ADGRD1: variants seen among roughly 807,000 people sequenced by gnomAD.
ADGRD1 encodes the protein G-protein coupled receptor 133.
In ADGRD1, 77 loss-of-function variants were observed where a neutral mutation model predicts 113.4. The observed-to-expected ratio is 0.68, with a 90% CI of 0.57 to 0.82. ADGRD1 has a LOEUF of 0.82. Among genes scored for constraint, ADGRD1 ranks in the 40% least tolerant of loss-of-function variants. ADGRD1 has a pLI of 0.00. For synonymous variants in ADGRD1, 474 were observed against 475.0 expected (o/e 1.00, Z 0.03); for missense variants, 1,036 against 1,139.1 (o/e 0.91, Z 1.30).
intron 13 of ADGRD1, among the ~76,000 whole-genome samples, chr12:131,040,709 A>G (rs1004172626): frequency 1.3e-5 from 2 of 152,238 alleles, no homozygotes; most frequent in Admixed American, 6.5e-5. Flanking sequence ...AGACAGGGAT[A>G]GAACAACCTT....
At chr12:131,087,896 G>A (rs1417331609) in intron 15 of ADGRD1, among the ~76,000 whole-genome samples, 1 of 152,242 alleles carries the variant, frequency 6.6e-6, no homozygotes, top group African/African-American at 2.4e-5. Context: ...GGCGGTGAAC[G>A]TAGAAACAGT....
chr12:131,090,375 C>T (rs973614221), intron 15 of ADGRD1, among the ~76,000 whole-genome samples: 4 of 95,276 alleles, frequency 4.2e-5, no homozygotes, highest in African/African-American at 7.7e-5. Context: ...GCCCTGGGCT[C>T]GCACTGCTGG....
chr12:131,128,257 G>A (rs1300044045), intron 20 of ADGRD1, among the ~76,000 whole-genome samples: 1 of 151,336 alleles, frequency 6.6e-6, no homozygotes, highest in South Asian at 2.1e-4. Context: ...CAGGTGGGGT[G>A]TTGGTTGGGT....
At position 131,104,999 on chromosome 12, in the gene ADGRD1, T is replaced by C. The variant is rs560744346; in HGVS notation, c.1775+65T>C. ...CCCTGCCTGCACCCAGATCTCAAGATGGAAGAGACACGGGAGAGGGGAGGG... is the reference window on the plus strand; with the variant it reads ...CCCTGCCTGCACCCAGATCTCAAGACGGAAGAGACACGGGAGAGGGGAGGG... On this transcript the variant is annotated intron_variant, in intron 16 of 24. Transcript: ENST00000261654. 3.9e-5 allele frequency: 44 copies of C among 1,141,284 alleles called. No individual in the cohort carries two copies. In the South Asian group the frequency reaches 5.3e-4, roughly 14 times the overall value. The allele number at this position is 1,141,284 out of a possible 1,614,324, so 70.7% of individuals were successfully genotyped here.
intron 2 of ADGRD1, among the ~76,000 whole-genome samples, chr12:130,961,966 G>A (rs974281121): frequency 6.6e-6 from 1 of 152,130 alleles, no homozygotes; most frequent in Admixed American, 6.5e-5. Context: ...AGTTTTCCAC[G>A]TCGCCTCCGC....
At chr12:131,046,665 C>T (rs1433164670) in intron 13 of ADGRD1, among the ~76,000 whole-genome samples, 1 of 137,552 alleles carries the variant, frequency 7.3e-6, no homozygotes, top group East Asian at 2.3e-4. Context: ...TGGTCAGTGT[C>T]CTCCCTGGTC....
At chr12:131,019,367 A>C (rs1879027339) in intron 13 of ADGRD1, among the ~76,000 whole-genome samples, 2 of 152,166 alleles carry the variant, frequency 1.3e-5, no homozygotes, top group Non-Finnish European at 2.9e-5. Context: ...CAGGGATGCT[A>C]CCCACACACC....
At chr12:131,079,588 T>C (rs1257408143) in intron 14 of ADGRD1, among the ~76,000 whole-genome samples, 1 of 152,222 alleles carries the variant, frequency 6.6e-6, no homozygotes, top group Admixed American at 6.5e-5. Flanking sequence ...GAATTCACCA[T>C]GAAGTCACCT....
chr12:131,087,739 C>G (rs1229511828), intron 15 of ADGRD1, among the ~76,000 whole-genome samples: 1 of 152,220 alleles, frequency 6.6e-6, no homozygotes, highest in Non-Finnish European at 1.5e-5. Context: ...CCCCCCCATG[C>G]CTTCCCAGTG....
At chr12:130,992,967 C>T (rs1190471712) in intron 8 of ADGRD1, among the ~76,000 whole-genome samples, 1 of 152,052 alleles carries the variant, frequency 6.6e-6, no homozygotes, top group East Asian at 1.9e-4. Context: ...TTGGTGGATG[C>T]GAAGACAGAA....
Position 131,084,467 on chromosome 12 carries a change from G to C in ADGRD1, c.1548-73G>C. ...GTTCACGGGGCCATGTGTTATGGGG[G>C]GTGCTGCTCTCAGTCCCCTGCCTGC... On this transcript the variant is annotated intron_variant, in intron 14 of 24. Coordinates refer to ENST00000261654, the MANE Select transcript of ADGRD1 (RefSeq NM_198827.5). The surrounding 1 kb of genome is among the most constrained non-coding windows in gnomAD (Gnocchi z 4.5). 1 of 1,546,726 alleles carries C rather than the reference G, an allele frequency of 6.5e-7. No individual in the cohort carries two copies. Among genetic ancestry groups the C allele is most frequent in the Non-Finnish European group, 8.9e-7 (1 of 1,123,310 alleles).
intron 15 of ADGRD1, among the ~76,000 whole-genome samples, chr12:131,092,309 G>A (rs1052608392): frequency 6.6e-5 from 10 of 152,196 alleles, no homozygotes; most frequent in East Asian, 1.9e-4. Flanking sequence ...GACTGGTGCC[G>A]TGGAAGGCAT....
chr12:131,069,185 G>T (rs1484405145), intron 13 of ADGRD1: 1 of 152,256 alleles, frequency 6.6e-6, no homozygotes, highest in Non-Finnish European at 1.5e-5. Context: ...TGAGGGCAGG[G>T]CCATGCACTA....
At chr12:130,983,288 G>A (rs1274793877) in intron 5 of ADGRD1, among the ~76,000 whole-genome samples, 4 of 152,106 alleles carry the variant, frequency 2.6e-5, no homozygotes, top group South Asian at 2.1e-4. Context: ...CGGTGTGCTC[G>A]GACCAGCTTG....
chr12:130,992,486 A>G (rs2136657753), intron 8 of ADGRD1, 94 bp downstream of exon 8: 2 of 1,152,066 alleles, frequency 1.7e-6, no homozygotes, highest in Non-Finnish European at 2.5e-6. Flanking sequence ...GAGTTTAAAA[A>G]AAGCAGGAAC....
At chr12:131,125,209 T>G (rs975855643) in intron 20 of ADGRD1, among the ~76,000 whole-genome samples, 1 of 152,214 alleles carries the variant, frequency 6.6e-6, no homozygotes, top group Non-Finnish European at 1.5e-5. Context: ...GTACGGAGGC[T>G]TAGGGCTTCA....
rs540385839 is a variant in ADGRD1, at chr12:131,030,298, C to T, written c.1473+15958C>T. On this transcript the variant is annotated intron_variant, in intron 13 of 24. Coordinates refer to ENST00000261654, the MANE Select transcript of ADGRD1 (RefSeq NM_198827.5). The stretch of plus-strand genomic sequence containing the variant: ...AGGCTCTGGGGTTAGGTTGTGGACC[C>T]CTCTGGTGGAGGGTGGGGATTGTGT... Among the ~76,000 whole-genome samples the T allele has an allele frequency of 2.1e-4, 32 of 152,254 alleles. No homozygotes were observed. The South Asian group carries it at 6.6e-3, about 32-fold the overall frequency.
At chr12:131,026,011 A>G (rs532467702) in intron 13 of ADGRD1, 1 of 152,390 alleles carries the variant, frequency 6.6e-6, no homozygotes, top group Non-Finnish European at 1.5e-5. Context: ...GTCCTGGGAC[A>G]CGTGACTGTG....
At chr12:131,101,515 G>A (rs1265580621) in intron 15 of ADGRD1, among the ~76,000 whole-genome samples, 2 of 150,466 alleles carry the variant, frequency 1.3e-5, no homozygotes, top group Admixed American at 1.3e-4. Flanking sequence ...AGCCTCCTGA[G>A]TAGCTGGGAT....
Sources: gnomAD v4.1 joint callset for allele counts (sites outside exome capture counted in the v4.1 genomes callset) on GRCh38, gnomAD v4.1.1 for gene constraint, Gnocchi (gnomAD v3.1) non-coding constraint, MANE v1.5 for transcripts, NCBI Gene and HGNC (gene_info 2026-07-23, HGNC 2026-07-21) for gene names.